Variants in SSBP3 observed in about 807,000 individuals in gnomAD.
SSBP3 encodes the protein single stranded DNA binding protein 3.
A neutral mutation model predicts 69.6 loss-of-function variants in SSBP3; 5 were observed. That is an observed-to-expected ratio of 0.07 (90% CI 0.04 to 0.15). SSBP3 has a LOEUF of 0.15. SSBP3 is among the 10% of genes least tolerant of loss of function. The probability of loss-of-function intolerance (pLI) is 1.00; values close to 1 mark genes in which losing one functional copy is unlikely to be tolerated. For missense variants in SSBP3, 312 were observed against 534.0 expected (o/e 0.58, Z 4.10); for synonymous variants, 196 against 193.4 (o/e 1.01, Z -0.11).
intron 4 of SSBP3, among the ~76,000 whole-genome samples, chr1:54,370,737 T>A (rs79667390): frequency 4.6e-5 from 7 of 152,258 alleles, no homozygotes; most frequent in Non-Finnish European, 1.0e-4. Flanking sequence ...GGATTACAGT[T>A]CTTCTCCACA....
intron 4 of SSBP3, among the ~76,000 whole-genome samples, chr1:54,374,111 G>A (rs906451045): frequency 1.3e-5 from 2 of 152,252 alleles, no homozygotes; most frequent in African/African-American, 4.8e-5. Context: ...GCCTGTCTTT[G>A]AGAATGGCAA....
At chr1:54,331,786 G>C (rs1028695555) in intron 4 of SSBP3, among the ~76,000 whole-genome samples, 2 of 152,200 alleles carry the variant, frequency 1.3e-5, no homozygotes, top group African/African-American at 4.8e-5. Flanking sequence ...GCAACAAGGA[G>C]GGTGGTGCCT....
chr1:54,376,874 C>G (rs937271761), intron 4 of SSBP3, among the ~76,000 whole-genome samples: 2 of 152,208 alleles, frequency 1.3e-5, no homozygotes, highest in African/African-American at 2.4e-5. Context: ...AGGGGTGTGG[C>G]TACCATCTGT....
intron 6 of SSBP3, 118 bp from the exon 7 acceptor site, chr1:54,257,304 T>C: frequency 1.1e-6 from 1 of 877,650 alleles, no homozygotes; most frequent in East Asian, 3.2e-5. Flanking sequence ...TTAAGTTCTT[T>C]CTCCTGCTAG....
At chr1:54,370,811 C>A (rs370048961) in intron 4 of SSBP3, among the ~76,000 whole-genome samples, 1 of 152,048 alleles carries the variant, frequency 6.6e-6, no homozygotes, top group Non-Finnish European at 1.5e-5. Context: ...AATGAGCATG[C>A]GTGTGGTGGC....
chr1:54,359,071 T>C lies in SSBP3; in HGVS notation c.276+42790A>G, dbSNP rs373518634. On this transcript the variant is annotated intron_variant, in intron 4 of 17. Transcript: ENST00000610401. ...TGGAAGTCACATTATCAGAAGAACA[T>C]TGGCAAACCAGAAGCCAGGGAGATG... Among the ~76,000 whole-genome samples, 153 of 152,168 alleles carry C rather than the reference T, an allele frequency of 1.0e-3. 1 individual carries two copies. Among genetic ancestry groups the C allele is most frequent in the African/African-American group, 3.5e-3 (146 of 41,518 alleles).
chr1:54,253,188 T>A (rs1413875415), intron 7 of SSBP3, among the ~76,000 whole-genome samples: 36 of 142,988 alleles, frequency 2.5e-4, no homozygotes, highest in Admixed American at 2.1e-3. Flanking sequence ...TTTTTTTAGT[T>A]TTTGTTTTTT....
At chr1:54,234,191 T>C (rs541790521) in intron 14 of SSBP3, among the ~76,000 whole-genome samples, 13 of 150,932 alleles carry the variant, frequency 8.6e-5, no homozygotes, top group African/African-American at 2.4e-4. Flanking sequence ...TCTCAAGTAA[T>C]CAGGGACACA....
chr1:54,411,417 G>A (rs190954891), upstream of SSBP3, among the ~76,000 whole-genome samples: 1 of 151,552 alleles, frequency 6.6e-6, no homozygotes, highest in Admixed American at 6.6e-5. Flanking sequence ...GGCGGGGGTT[G>A]CAGTGAGCCG....
At chr1:54,398,746 G>C (rs958897535) in intron 4 of SSBP3, among the ~76,000 whole-genome samples, 1 of 152,064 alleles carries the variant, frequency 6.6e-6, no homozygotes, top group East Asian at 1.9e-4. Flanking sequence ...CCCATGACCC[G>C]GGGGACCTCT....
At chr1:54,362,747 C>T (rs952590745) in intron 4 of SSBP3, among the ~76,000 whole-genome samples, 2 of 152,204 alleles carry the variant, frequency 1.3e-5, no homozygotes, top group Admixed American at 6.5e-5. Context: ...AGTTTACCTT[C>T]TTAAGCTGTC....
At chr1:54,409,297 C>A (rs951131725), upstream of SSBP3, among the ~76,000 whole-genome samples, 1 of 152,108 alleles carries the variant, frequency 6.6e-6, no homozygotes, top group Admixed American at 6.6e-5. Context: ...GGAGTGAAAC[C>A]TGTCCTTCTG....
At chr1:54,369,575 G>T (rs1647091735) in intron 4 of SSBP3, among the ~76,000 whole-genome samples, 1 of 152,186 alleles carries the variant, frequency 6.6e-6, no homozygotes. Context: ...GGAAAGACTG[G>T]AGGTGAAGAA....
intron 7 of SSBP3, among the ~76,000 whole-genome samples, chr1:54,252,570 G>A (rs1415543029): frequency 6.6e-6 from 1 of 151,736 alleles, no homozygotes; most frequent in Non-Finnish European, 1.5e-5. Context: ...AGAGGGGCAG[G>A]GGTACTAGAC....
chr1:54,348,250 G>GGC (rs1553143170), intron 4 of SSBP3, among the ~76,000 whole-genome samples: 1 of 63,792 alleles, frequency 1.6e-5, no homozygotes, highest in Non-Finnish European at 2.9e-5. Flanking sequence ...TGGGGGGCGG[G>GGC]GGGGGGGGGG....
chr1:54,265,899 G>T (rs930110109), intron 5 of SSBP3, among the ~76,000 whole-genome samples: 1 of 152,216 alleles, frequency 6.6e-6, no homozygotes, highest in Non-Finnish European at 1.5e-5. Flanking sequence ...TGCACCATTA[G>T]GAATCTGGCT....
chr1:54,392,157 A>C (rs1464979696), intron 4 of SSBP3, among the ~76,000 whole-genome samples: 1 of 152,216 alleles, frequency 6.6e-6, no homozygotes, highest in Non-Finnish European at 1.5e-5. Flanking sequence ...CTATGGCAGC[A>C]AACCACAGAG....
chr1:54,234,329 C>T (rs1570197775), intron 14 of SSBP3, among the ~76,000 whole-genome samples: 1 of 142,592 alleles, frequency 7.0e-6, no homozygotes, highest in South Asian at 2.4e-4. Flanking sequence ...TGAGAAACAC[C>T]CAAGAATTAT....
upstream of SSBP3, among the ~76,000 whole-genome samples, chr1:54,408,788 CAT>C (rs1649916681): frequency 6.6e-6 from 1 of 152,344 alleles, no homozygotes; most frequent in South Asian, 2.1e-4. Flanking sequence ...CCTTTCCAAA[CAT>C]GTGGCAAGAA....
Sources: allele counts gnomAD v4.1 joint callset (sites outside exome capture counted in the v4.1 genomes callset), GRCh38; gene constraint gnomAD v4.1.1; transcripts MANE v1.5; gene names NCBI Gene and HGNC (gene_info 2026-07-23, HGNC 2026-07-21).